The following PCNX2 variants were observed in gnomAD, a reference collection of about 807,000 sequenced individuals.
PCNX2 encodes pecanex 2.
PCNX2 carries 168 observed loss-of-function variants against 223.8 expected under a neutral mutation model. That is an observed-to-expected ratio of 0.75 (90% confidence interval 0.66 to 0.85). The LOEUF (loss-of-function observed/expected upper bound fraction) is 0.85, where lower values mean the gene tolerates loss of function less well. PCNX2 is among the 40% of genes least tolerant of loss of function. The pLI, the probability that PCNX2 is intolerant of heterozygous loss-of-function variation, is 0.00. For synonymous variants in PCNX2, 1,006 were observed against 1,052.6 expected, an observed-to-expected ratio of 0.96 and a Z score of 0.86; for missense variants, 2,507 against 2,675.5, an observed-to-expected ratio of 0.94 and a Z score of 1.39.
In PCNX2 at chr1:233,064,310, A is replaced by G. The variant is rs142656816; in HGVS notation, c.4077-7020T>C. On this transcript the variant is annotated intron_variant, in intron 23 of 33. Coordinates refer to ENST00000258229, the MANE Select transcript of PCNX2 (RefSeq NM_014801.4). The stretch of plus-strand genomic sequence containing the variant: ...TTTGTGTTAACTTCTCAATGTGACA[A>G]TTTCCAAATATGGGTAGTATCGTTT... Among the ~76,000 whole-genome samples, 485 of 152,276 alleles carry G rather than the reference A, an allele frequency of 3.2e-3. 1 individual carries two copies. The highest frequency in any genetic ancestry group is 5.4e-3 in the Non-Finnish European group (364 of 68,028).
At chr1:233,174,195 TTATATTA>T (rs2102849750) in intron 17 of PCNX2, among the ~76,000 whole-genome samples, 1 of 144,200 alleles carries the variant, frequency 6.9e-6, no homozygotes, top group Non-Finnish European at 1.5e-5. Context: ...TGTATTTAAT[TTATATTA>T]TATATTATAT....
rs143537940 is a variant in PCNX2 at position 233,070,187 on chromosome 1, C to T, written c.4077-12897G>A. On this transcript the variant is annotated intron_variant, in intron 23 of 33. Transcript: ENST00000258229. ...TTATGAAATACATAATTTTAAAAGC[C>T]CTGTAACTATTAACGCCATTTAATT... Among the ~76,000 whole-genome samples, 1,160 of 152,184 alleles carry T rather than the reference C, an allele frequency of 7.6e-3. 58 individuals carry two copies. The highest frequency in any genetic ancestry group is 0.069 in the Admixed American group (1,052 of 15,276).
At chr1:233,308,135 G>T in the PCNX2 span, among the ~76,000 whole-genome samples, 4 of 152,110 alleles carry the variant, frequency 2.6e-5, no homozygotes, top group African/African-American at 4.8e-5. Flanking sequence ...ATGAAGAAAT[G>T]ATATAACTAA....
chr1:233,040,658 G>T (rs1191588703), intron 25 of PCNX2, among the ~76,000 whole-genome samples: 2 of 152,030 alleles, frequency 1.3e-5, no homozygotes, highest in African/African-American at 2.4e-5. Flanking sequence ...CTTCTGTAAA[G>T]ATTGTGGCTC....
At chr1:233,217,877 T>C in intron 12 of PCNX2, 22 bp downstream of exon 12, 1 of 1,613,750 alleles carries the variant, frequency 6.2e-7, no homozygotes, top group South Asian at 1.1e-5. Context: ...GAAAAGCTAC[T>C]TGCCTGTATT....
Position 233,200,215 on chromosome 1 carries a change from T to G in PCNX2, c.2913A>C (p.Gln971His), listed in dbSNP as rs370350779. ...AAAGATAAGTGCAGAAAGTGTTGATTTGCGGGAAGAGCCCAAGGAGGGAAA... is the reference window on the plus strand; with the variant it reads ...AAAGATAAGTGCAGAAAGTGTTGATGTGCGGGAAGAGCCCAAGGAGGGAAA... The part of the protein sequence containing the change: ...PAISLLGLFP[Q>H]INTFCTYLLE... The change falls in exon 14 of 34, where the codon CAA (glutamine) becomes CAC (histidine). Residue 971 changes from glutamine to histidine, a missense_variant. Physicochemically the swap from Gln to His is conservative, Grantham distance 24. Transcript: ENST00000258229. 124 of 1,594,456 alleles carry G rather than the reference T, an allele frequency of 7.8e-5. No individual in the cohort carries two copies. The highest frequency in any genetic ancestry group is 8.5e-5 in the Non-Finnish European group (99 of 1,170,148).
At chr1:233,121,424 A>G (rs750493197) in intron 21 of PCNX2, among the ~76,000 whole-genome samples, 1 of 152,242 alleles carries the variant, frequency 6.6e-6, no homozygotes, top group Non-Finnish European at 1.5e-5. Flanking sequence ...GAAAAATCAC[A>G]CTATTTCAAA....
At chr1:233,271,555 T>C (rs1660636317) in intron 1 of PCNX2, among the ~76,000 whole-genome samples, 1 of 152,230 alleles carries the variant, frequency 6.6e-6, no homozygotes, top group South Asian at 2.1e-4. Context: ...ATATTACAGT[T>C]AATTTTAAGC....
intron 13 of PCNX2, among the ~76,000 whole-genome samples, chr1:233,207,176 C>T (rs993260684): frequency 2.6e-5 from 4 of 151,994 alleles, no homozygotes; most frequent in Admixed American, 6.6e-5. Context: ...GGAAGAGGAA[C>T]GGGAAGCCAG....
At position 233,160,323 on chromosome 1, in the gene PCNX2, G is replaced by A; in HGVS notation, c.3477C>T (p.Pro1159=). The A allele has an allele frequency of 1.9e-6, 3 of 1,613,428 alleles. No individual in the cohort carries two copies. The highest frequency in any genetic ancestry group is 2.5e-6 in the Non-Finnish European group (3 of 1,179,652). The change falls in exon 19 of 34, where the codon CCC becomes CCT. Residue 1159 remains proline (P), a synonymous_variant. Coordinates refer to ENST00000258229, the MANE Select transcript of PCNX2 (RefSeq NM_014801.4). ...GATGATACTCTTTGTTTTTGAGAATGGGGTGTGAAATCCACATCCAGGGAT... is the reference window on the plus strand; with the variant it reads ...GATGATACTCTTTGTTTTTGAGAATAGGGTGTGAAATCCACATCCAGGGAT... ...KHHPWMWISH[P]ILKNKEYHQR...
the PCNX2 span, among the ~76,000 whole-genome samples, chr1:233,322,939 A>G: frequency 6.7e-6 from 1 of 150,248 alleles, no homozygotes; most frequent in East Asian, 1.9e-4. Flanking sequence ...GTTGCCTCAG[A>G]GCAACACACC....
intron 23 of PCNX2, among the ~76,000 whole-genome samples, chr1:233,077,184 T>C (rs575134351): frequency 6.6e-6 from 1 of 152,352 alleles, no homozygotes; most frequent in Non-Finnish European, 1.5e-5. Context: ...GAAATAGTTC[T>C]ATGTCACTGC....
chr1:233,098,487 G>A (rs780967663), intron 21 of PCNX2, among the ~76,000 whole-genome samples: 1 of 151,964 alleles, frequency 6.6e-6, no homozygotes, highest in Non-Finnish European at 1.5e-5. Context: ...AGGTATCCTT[G>A]TTCTTTTCCT....
At chr1:233,023,433 T>C (rs1670969344) in intron 26 of PCNX2, among the ~76,000 whole-genome samples, 2 of 152,222 alleles carry the variant, frequency 1.3e-5, no homozygotes, top group Non-Finnish European at 2.9e-5. Context: ...TGCTGATGCA[T>C]GCCCTTGGTC....
At chr1:232,994,561 A>C (rs1456581968) in intron 32 of PCNX2, among the ~76,000 whole-genome samples, 1 of 152,130 alleles carries the variant, frequency 6.6e-6, no homozygotes, top group Non-Finnish European at 1.5e-5. Flanking sequence ...ATGAGTTAAG[A>C]CTTTGGGGGA....
At chr1:233,054,007 T>C (rs1672099973) in intron 25 of PCNX2, among the ~76,000 whole-genome samples, 1 of 152,188 alleles carries the variant, frequency 6.6e-6, no homozygotes, top group African/African-American at 2.4e-5. Flanking sequence ...CCCAGAAGGA[T>C]TAAAATCAAT....
chr1:233,029,803 T>G (rs554393003), intron 25 of PCNX2, among the ~76,000 whole-genome samples: 26 of 144,110 alleles, frequency 1.8e-4, no homozygotes, highest in Non-Finnish European at 2.9e-4. Flanking sequence ...AATGCAAATG[T>G]GTTTTTAAAC....
chr1:233,289,666 G>A (rs1247336409), intron 1 of PCNX2, among the ~76,000 whole-genome samples: 1 of 152,170 alleles, frequency 6.6e-6, no homozygotes, highest in African/African-American at 2.4e-5. Flanking sequence ...AGAAGTGGAA[G>A]GACCAAATAT....
intron 32 of PCNX2, among the ~76,000 whole-genome samples, chr1:232,987,008 G>A (rs953129186): frequency 2.0e-5 from 3 of 152,246 alleles, no homozygotes; most frequent in Admixed American, 6.5e-5. Context: ...AGGAAAACGT[G>A]CAGGGTTCTG....
Sources: allele counts gnomAD v4.1 joint callset (sites outside exome capture counted in the v4.1 genomes callset), GRCh38; gene constraint gnomAD v4.1.1; transcripts MANE v1.5; gene names NCBI Gene and HGNC (gene_info 2026-07-23, HGNC 2026-07-21).